Variants in UBXN2A observed in about 807,000 individuals in gnomAD.
UBXN2A encodes the protein UBX domain-containing protein 2A.
In UBXN2A, 28 loss-of-function variants were observed where a neutral mutation model predicts 28.4. The ratio of observed to expected loss-of-function variants is 0.99; its 90% confidence interval spans 0.73 to 1.35. UBXN2A has a LOEUF of 1.35. Ranked by LOEUF, UBXN2A falls within the 40% of genes most tolerant of loss-of-function variation. The pLI is 0.00. For synonymous variants in UBXN2A, 97 were observed against 103.6 expected (o/e 0.94, Z 0.39); for missense variants, 253 against 297.9 (o/e 0.85, Z 1.11).
intron 6 of UBXN2A, among the ~76,000 whole-genome samples, chr2:23,992,267 G>A (rs1708381944): frequency 6.6e-6 from 1 of 151,968 alleles, no homozygotes; most frequent in Non-Finnish European, 1.5e-5. Flanking sequence ...ACCGCGCCCA[G>A]CCTAATTTTG....
At chr2:23,981,319 A>AAC (rs1279678923) in intron 4 of UBXN2A, among the ~76,000 whole-genome samples, 1 of 150,082 alleles carries the variant, frequency 6.7e-6, no homozygotes, top group Non-Finnish European at 1.5e-5. Context: ...AAAAAAAAAA[A>AAC]AAACCTAAAA....
chr2:23,987,181 AT>A (rs200706562), intron 6 of UBXN2A, among the ~76,000 whole-genome samples: 3,397 of 151,780 alleles, frequency 0.022, 139 homozygotes, highest in African/African-American at 0.078. Flanking sequence ...TTTTAAAAAA[AT>A]TTTTTTTCAG....
intron 2 of UBXN2A, among the ~76,000 whole-genome samples, chr2:23,961,010 T>C (rs1706878698): frequency 6.6e-6 from 1 of 152,156 alleles, no homozygotes; most frequent in African/African-American, 2.4e-5. Context: ...TGTGGTCTTT[T>C]GTGACTGACT....
At chr2:23,965,575 G>A (rs576593318) in intron 2 of UBXN2A, among the ~76,000 whole-genome samples, 2 of 152,256 alleles carry the variant, frequency 1.3e-5, no homozygotes, top group African/African-American at 2.4e-5. Context: ...ATCCTACACG[G>A]TTGTGGTGTT....
intron 1 of UBXN2A, among the ~76,000 whole-genome samples, chr2:23,953,543 C>A (rs997317843): frequency 6.6e-6 from 1 of 152,180 alleles, no homozygotes; most frequent in Admixed American, 6.6e-5. Context: ...CATCAGATAT[C>A]CCGTCACTAT....
At chr2:23,960,882 G>A (rs181049623) in intron 2 of UBXN2A, among the ~76,000 whole-genome samples, 14 of 152,118 alleles carry the variant, frequency 9.2e-5, no homozygotes, top group African/African-American at 2.9e-4. Flanking sequence ...TGATCTGCCC[G>A]CCTTGGCCTC....
At chr2:23,970,649 A>G (rs1025769836) in intron 2 of UBXN2A, among the ~76,000 whole-genome samples, 2 of 151,962 alleles carry the variant, frequency 1.3e-5, no homozygotes, top group Non-Finnish European at 2.9e-5. Context: ...TTCTATTATT[A>G]TTACATTGTA....
chr2:23,931,440 T>A (rs1297929698), intron 1 of UBXN2A, among the ~76,000 whole-genome samples: 5 of 152,080 alleles, frequency 3.3e-5, no homozygotes, highest in Admixed American at 3.3e-4. Context: ...AGTGAGACCC[T>A]GTCTCAGAAA....
Position 23,952,115 on chromosome 2 carries a change from C to T in UBXN2A, c.-14-6186C>T, listed in dbSNP as rs1369851647. Among the ~76,000 whole-genome samples, 4 of 151,620 alleles carry T rather than the reference C, an allele frequency of 2.6e-5. No individual in the cohort carries two copies. In the South Asian group the frequency reaches 6.3e-4, roughly 24 times the overall value. On this transcript the variant is annotated intron_variant, in intron 1 of 6. Transcript: ENST00000309033. ...TCAAGTAGCTGGGACTACAAGCGCT[C>T]GCCATCACACCCGCCTAATTTTTGT...
At chr2:23,983,170 A>G (rs1707984885) in intron 5 of UBXN2A, 137 bp downstream of exon 5, 4 of 1,069,118 alleles carry the variant, frequency 3.7e-6, no homozygotes, top group Non-Finnish European at 2.4e-6. Flanking sequence ...TTTAATGTTA[A>G]TTTTTATGAG....
rs1272287805 is a variant in UBXN2A at position 24,004,307 on chromosome 2, TG to T, written c.*4441del. On this transcript the variant is annotated 3_prime_UTR_variant, in exon 7 of 7. Transcript: ENST00000309033. Reference sequence around the variant, plus strand: ...GGGCATACAATTTGACCTAAGCAATTGTTTCAAAACTGTCTTCAGTTTCTTG... The same window carrying T: ...GGGCATACAATTTGACCTAAGCAATTTTTCAAAACTGTCTTCAGTTTCTTG... The T allele has an allele frequency of 6.6e-6, 1 of 152,182 alleles. No homozygotes were observed. Among genetic ancestry groups the T allele is most frequent in the Non-Finnish European group, 1.5e-5 (1 of 68,018 alleles). The allele number at this position is 152,182 out of a possible 1,614,324, so 9.4% of individuals were successfully genotyped here.
At chr2:23,941,690 A>G (rs545413944) in intron 1 of UBXN2A, among the ~76,000 whole-genome samples, 6 of 152,304 alleles carry the variant, frequency 3.9e-5, no homozygotes, top group Non-Finnish European at 8.8e-5. Flanking sequence ...TTTAGTACCT[A>G]CTGTGTACTG....
At position 23,930,090 on chromosome 2, in the gene UBXN2A, G is replaced by A. The variant is rs554072840; in HGVS notation, c.-138+2475G>A. 1.6e-3 allele frequency among the ~76,000 whole-genome samples: 236 copies of A among 152,156 alleles called. 2 individuals carry two copies. Among genetic ancestry groups the A allele is most frequent in the African/African-American group, 5.0e-3 (207 of 41,516 alleles). On this transcript the variant is annotated intron_variant, in intron 1 of 7. Coordinates refer to the UBXN2A transcript ENST00000404924. The stretch of plus-strand genomic sequence containing the variant: ...GTTTTAGTAGAGACGAGGTTTCACC[G>A]TATTAGCCAGGATGGTCTTGATCTC...
chr2:23,944,576 T>G (rs571553122), intron 1 of UBXN2A, among the ~76,000 whole-genome samples: 1 of 152,126 alleles, frequency 6.6e-6, no homozygotes, highest in Non-Finnish European at 1.5e-5. Flanking sequence ...AAAACTCCCC[T>G]TTTTTTGCCC....
At chr2:23,930,515 C>T (rs1020511688) in intron 1 of UBXN2A, among the ~76,000 whole-genome samples, 15 of 152,172 alleles carry the variant, frequency 9.9e-5, no homozygotes, top group African/African-American at 3.4e-4. Flanking sequence ...GGTAGTGACC[C>T]CTGAGATACG....
chr2:23,957,304 G>A (rs1022087848), intron 1 of UBXN2A, among the ~76,000 whole-genome samples: 3 of 151,484 alleles, frequency 2.0e-5, no homozygotes, highest in African/African-American at 7.3e-5. Flanking sequence ...ATAATGCCTG[G>A]CTAACTTTTT....
chr2:23,971,480 G>T, intron 3 of UBXN2A, 66 bp downstream of exon 3: 1 of 1,406,602 alleles, frequency 7.1e-7, no homozygotes, highest in Non-Finnish European at 9.4e-7. Flanking sequence ...CTGTTAGAGG[G>T]TCCCTAAGGT....
At chr2:23,974,016 A>AT (rs71395170) in intron 3 of UBXN2A, among the ~76,000 whole-genome samples, 75,583 of 140,306 alleles carry the variant, frequency 0.54, 20,935 homozygotes, top group East Asian at 0.7. Context: ...AAAATGATTA[A>AT]TTTTTTTTTT....
chr2:23,966,747 G>A (rs1165597620), intron 2 of UBXN2A, among the ~76,000 whole-genome samples: 7 of 119,012 alleles, frequency 5.9e-5, no homozygotes, highest in East Asian at 2.6e-4. Flanking sequence ...CACCGCGCCC[G>A]GCCTTTTTTT....
Sources: gnomAD v4.1 joint callset for allele counts (sites outside exome capture counted in the v4.1 genomes callset) on GRCh38, gnomAD v4.1.1 for gene constraint, MANE v1.5 for transcripts, NCBI Gene and HGNC (gene_info 2026-07-23, HGNC 2026-07-21) for gene names.